TENM4: variants seen among roughly 807,000 people sequenced by gnomAD.
TENM4 encodes teneurin-4.
Under a neutral mutation model 243.3 loss-of-function variants are expected in TENM4, and 82 were observed. The ratio of observed to expected loss-of-function variants is 0.34; its 90% CI spans 0.28 to 0.40. The LOEUF is 0.40. TENM4 is among the 10% of genes least tolerant of loss of function. The probability of loss-of-function intolerance (pLI) is 1.00; values close to 1 mark genes in which losing one functional copy is unlikely to be tolerated. For synonymous variants in TENM4, 1,412 were observed against 1,456.3 expected (o/e 0.97, Z 0.69); for missense variants, 3,138 against 3,673.3 (o/e 0.85, Z 3.77).
At chr11:79,431,551 A>G (rs556136665) in intron 1 of TENM4, among the ~76,000 whole-genome samples, 11 of 152,306 alleles carry the variant, frequency 7.2e-5, no homozygotes, top group African/African-American at 2.4e-4. Context: ...AGGGTATATT[A>G]ATTTGCATTT....
intron 6 of TENM4, among the ~76,000 whole-genome samples, chr11:79,060,157 T>C (rs1248157316): frequency 6.6e-6 from 1 of 152,156 alleles, no homozygotes; most frequent in Non-Finnish European, 1.5e-5. Flanking sequence ...ATCTATTGCA[T>C]GCCGACTGTT....
chr11:78,930,165 G>T (rs530685795), intron 6 of TENM4, among the ~76,000 whole-genome samples: 2 of 152,278 alleles, frequency 1.3e-5, no homozygotes, highest in South Asian at 2.1e-4. Context: ...ACTTTTGTGG[G>T]TCTCATTTTC....
rs1203408144 is a variant in TENM4 at position 79,315,034 on chromosome 11, G to A, written c.-320-17491C>T. Reference sequence around the variant, plus strand: ...AGGGTTCTAAAGAGTTATGCACAGAGGGTGGTAGGAACACAGATGAAGGCA... The same window carrying A: ...AGGGTTCTAAAGAGTTATGCACAGAAGGTGGTAGGAACACAGATGAAGGCA... On this transcript the variant is annotated intron_variant, in intron 1 of 33. Transcript: ENST00000278550. 2.0e-5 allele frequency among the ~76,000 whole-genome samples: 3 copies of A among 152,216 alleles called. No individual in the cohort carries two copies. In the East Asian group the frequency reaches 5.8e-4, roughly 29 times the overall value.
At chr11:78,956,196 C>T (rs974728717) in intron 6 of TENM4, among the ~76,000 whole-genome samples, 1 of 152,090 alleles carries the variant, frequency 6.6e-6, no homozygotes, top group African/African-American at 2.4e-5. Flanking sequence ...GCACTGTGCT[C>T]AGCCCTGGAG....
chr11:79,267,254 T>A (rs746055537), intron 2 of TENM4, among the ~76,000 whole-genome samples: 4 of 152,166 alleles, frequency 2.6e-5, no homozygotes, highest in Non-Finnish European at 4.4e-5. Context: ...CATCACATAC[T>A]TGGCCTATTG....
chr11:79,016,501 A>G (rs1858778311), intron 6 of TENM4, among the ~76,000 whole-genome samples: 1 of 152,146 alleles, frequency 6.6e-6, no homozygotes, highest in Non-Finnish European at 1.5e-5. Flanking sequence ...TAGTTATGTT[A>G]CGTTTGAGAG....
At position 79,360,852 on chromosome 11, in the gene TENM4, C is replaced by T. The variant is rs1012357991; in HGVS notation, c.-320-63309G>A. Reference sequence around the variant, plus strand: ...GCAAAATGTGTTGTAGAAATATCAACCCATCATGTCTCAGAATGTACTAAA... The same window carrying T: ...GCAAAATGTGTTGTAGAAATATCAATCCATCATGTCTCAGAATGTACTAAA... On this transcript the variant is annotated intron_variant, in intron 1 of 33. Coordinates refer to ENST00000278550, the MANE Select transcript of TENM4 (RefSeq NM_001098816.3). 2.6e-5 allele frequency among the ~76,000 whole-genome samples: 4 copies of T among 152,262 alleles called. No individual in the cohort carries two copies. In the South Asian group the frequency reaches 6.2e-4, roughly 24 times the overall value.
At chr11:79,101,434 T>C (rs937190559) in intron 4 of TENM4, among the ~76,000 whole-genome samples, 57 of 152,234 alleles carry the variant, frequency 3.7e-4, no homozygotes, top group African/African-American at 1.4e-3. Context: ...CTTGGCATGC[T>C]CCAGGACTAA....
intron 6 of TENM4, among the ~76,000 whole-genome samples, chr11:79,020,219 A>C (rs149427581): frequency 1.8e-3 from 272 of 152,352 alleles, no homozygotes; most frequent in Non-Finnish European, 2.8e-3. Flanking sequence ...GCTGGAGAGC[A>C]GGGCAGCTGG....
chr11:79,322,176 G>T (rs1026421997), intron 1 of TENM4, among the ~76,000 whole-genome samples: 3 of 152,026 alleles, frequency 2.0e-5, no homozygotes, highest in African/African-American at 4.8e-5. Flanking sequence ...CCTCTGCTGG[G>T]CTCCACTGGC....
At chr11:78,698,462 A>G (rs1218277581) in intron 28 of TENM4, among the ~76,000 whole-genome samples, 1 of 152,220 alleles carries the variant, frequency 6.6e-6, no homozygotes, top group African/African-American at 2.4e-5. Context: ...TTGTTTCAAT[A>G]ATAGCCTATG....
intron 17 of TENM4, among the ~76,000 whole-genome samples, chr11:78,773,612 C>G (rs1186192689): frequency 6.6e-6 from 1 of 152,150 alleles, no homozygotes; most frequent in Non-Finnish European, 1.5e-5. Flanking sequence ...ATAGTTTAGG[C>G]CTGTGAGCCA....
At chr11:79,357,837 G>T (rs1378540093) in intron 1 of TENM4, among the ~76,000 whole-genome samples, 9 of 152,120 alleles carry the variant, frequency 5.9e-5, no homozygotes, top group African/African-American at 9.7e-5. Context: ...TTGCCCACTT[G>T]TAGCAACAAC....
At chr11:78,737,712 T>G (rs984802403) in intron 20 of TENM4, among the ~76,000 whole-genome samples, 1 of 152,218 alleles carries the variant, frequency 6.6e-6, no homozygotes, top group Admixed American at 6.5e-5. Flanking sequence ...CACCATCACT[T>G]ACTCATTCAA....
chr11:79,081,605 T>C (rs1038026706), intron 4 of TENM4, among the ~76,000 whole-genome samples: 1 of 151,534 alleles, frequency 6.6e-6, no homozygotes, highest in African/African-American at 2.4e-5. Flanking sequence ...GCTGTGATTG[T>C]TCAGAAACCA....
intron 1 of TENM4, among the ~76,000 whole-genome samples, chr11:79,437,404 C>T (rs897817584): frequency 6.6e-6 from 1 of 152,096 alleles, no homozygotes; most frequent in African/African-American, 2.4e-5. Flanking sequence ...GCGGCCGGGC[C>T]GGGGACGGGA....
rs563019730 is a variant in TENM4, at chr11:79,419,641, C to T, written c.-321+20868G>A. Among the ~76,000 whole-genome samples the T allele has an allele frequency of 7.9e-5, 12 of 152,330 alleles. 1 individual carries two copies. Among genetic ancestry groups the T allele is most frequent in the Admixed American group, 3.9e-4 (6 of 15,306 alleles). ...ACCAGCCATGGGTCACGTTGCTTGA[C>T]ATTTCCTAGTTTCATTTCCTCAGCT... On this transcript the variant is annotated intron_variant, in intron 1 of 33. Coordinates refer to ENST00000278550, the MANE Select transcript of TENM4 (RefSeq NM_001098816.3).
intron 4 of TENM4, among the ~76,000 whole-genome samples, chr11:79,107,669 C>T (rs774974288): frequency 5.3e-5 from 8 of 152,202 alleles, no homozygotes; most frequent in Non-Finnish European, 8.8e-5. Flanking sequence ...TCACTCCGCT[C>T]ATCAATGATG....
At chr11:79,342,241 G>T (rs1260399200) in intron 1 of TENM4, among the ~76,000 whole-genome samples, 1 of 152,226 alleles carries the variant, frequency 6.6e-6, no homozygotes, top group Non-Finnish European at 1.5e-5. Context: ...GACATGAGGA[G>T]AGTTGACCAG....
Sources: gnomAD v4.1 joint callset for allele counts (sites outside exome capture counted in the v4.1 genomes callset) on GRCh38, gnomAD v4.1.1 for gene constraint, MANE v1.5 for transcripts, NCBI Gene and HGNC (gene_info 2026-07-23, HGNC 2026-07-21) for gene names.